The following BFSP1 variants were observed in gnomAD, a reference collection of about 807,000 sequenced individuals.
The protein encoded by BFSP1 is filensin.
A neutral mutation model predicts 43.9 loss-of-function variants in BFSP1; 38 were observed. The ratio of observed to expected loss-of-function variants is 0.87; its 90% CI spans 0.67 to 1.14. The LOEUF (loss-of-function observed/expected upper bound fraction) is 1.14, where lower values mean the gene tolerates loss of function less well. Among genes scored for constraint, BFSP1 ranks in the 50% most tolerant of loss-of-function variants. The probability of loss-of-function intolerance (pLI) is 0.00; values close to 1 mark genes in which losing one functional copy is unlikely to be tolerated. For synonymous variants in BFSP1, 352 were observed against 354.8 expected (o/e 0.99, Z 0.09); for missense variants, 850 against 875.1 (o/e 0.97, Z 0.36).
intron 4 of BFSP1, among the ~76,000 whole-genome samples, chr20:17,510,336 AG>A (rs1189079906): frequency 6.6e-6 from 1 of 152,220 alleles, no homozygotes; most frequent in Non-Finnish European, 1.5e-5. Flanking sequence ...ACAATTCAAA[AG>A]GTATGCTCGG....
chr20:17,508,223 G>A (rs1289804610), intron 5 of BFSP1, among the ~76,000 whole-genome samples: 1 of 137,812 alleles, frequency 7.3e-6, no homozygotes, highest in Non-Finnish European at 1.6e-5. Flanking sequence ...GTAGGGTAAT[G>A]AGAAAGAGAG....
chr20:17,559,083 T>G (rs1170980092), upstream of BFSP1: 3 of 188,922 alleles, frequency 1.6e-5, no homozygotes, highest in Admixed American at 1.7e-4. Context: ...GATGTGATGT[T>G]GTTTGCCTCA....
intron 1 of BFSP1, among the ~76,000 whole-genome samples, chr20:17,566,686 G>A (rs1367580371): frequency 2.6e-5 from 4 of 151,958 alleles, no homozygotes; most frequent in East Asian, 1.9e-4. Flanking sequence ...ACACAGTCTC[G>A]CTCTGTTGCC....
upstream of BFSP1, among the ~76,000 whole-genome samples, chr20:17,561,373 C>G (rs867113520): frequency 1.6e-4 from 24 of 152,210 alleles, no homozygotes; most frequent in African/African-American, 5.5e-4. Context: ...GTAGTGGGTG[C>G]CTGTAATCCC....
chr20:17,564,171 T>C (rs1236873585), intron 1 of BFSP1, among the ~76,000 whole-genome samples: 1 of 151,606 alleles, frequency 6.6e-6, no homozygotes, highest in Admixed American at 6.6e-5. Context: ...TGTCTTTACA[T>C]ACACAGACAC....
chr20:17,496,987 C>T lies in BFSP1; in HGVS notation c.993G>A (p.Leu331=), dbSNP rs1352109190. 6.5e-7 allele frequency: 1 copy of T among 1,543,772 alleles called. No homozygotes were observed. The highest frequency in any genetic ancestry group is 8.7e-7 in the Non-Finnish European group (1 of 1,145,002). ...GAGAGACTCCATGGCTCTGGGTGAA[C>T]AGGGGAATGGGAGTTTCAATGAAGG... The part of the protein sequence containing the change: ...TSAFIETPIP[L]FTQSHGVSLS... The change falls in exon 7 of 8, where the codon CTG becomes CTA. Residue 331 remains leucine, a synonymous_variant. Coordinates refer to ENST00000377873, the MANE Select transcript of BFSP1 (RefSeq NM_001195.5).
At position 17,494,651 on chromosome 20, in the gene BFSP1, G is replaced by A. The variant is rs200153001; in HGVS notation, c.1421C>T (p.Thr474Ile). The stretch of plus-strand genomic sequence containing the variant: ...AGGGTCCACGTAATTGGCATCCCCT[G>A]TGACCAGCACGTGCCGCTCTTTGGT... Reference protein sequence around the residue: ...LYTKERHVLVTGDANYVDPRF... With the variant: ...LYTKERHVLVIGDANYVDPRF... Residue 474 changes from threonine (T) to isoleucine (I), a missense_variant, in exon 8 of 8, where the codon ACA becomes ATA. Transcript: ENST00000377873. 1 of 1,614,168 alleles carries A rather than the reference G, an allele frequency of 6.2e-7. No homozygotes were observed. The highest frequency in any genetic ancestry group is 2.2e-5 in the East Asian group (1 of 44,888).
At chr20:17,546,880 C>A (rs529328084) in intron 1 of BFSP1, among the ~76,000 whole-genome samples, 1 of 149,672 alleles carries the variant, frequency 6.7e-6, no homozygotes, top group African/African-American at 2.5e-5. Context: ...AAAAATTAGC[C>A]GGGTGTGGTG....
chr20:17,555,288 CAAA>C (rs929219257), intron 1 of BFSP1, among the ~76,000 whole-genome samples: 1 of 44,100 alleles, frequency 2.3e-5, no homozygotes, highest in East Asian at 6.2e-4. Context: ...TCCTATCTCA[CAAA>C]AAAAAAAAAA....
At chr20:17,542,614 A>AT (rs2034737152) in intron 1 of BFSP1, among the ~76,000 whole-genome samples, 2 of 152,056 alleles carry the variant, frequency 1.3e-5, no homozygotes. Flanking sequence ...GAAAAAAAAA[A>AT]GTCAGTTGTT....
intron 2 of BFSP1, chr20:17,517,363 C>G (rs1232117314): frequency 2.1e-5 from 20 of 949,972 alleles, no homozygotes; most frequent in Non-Finnish European, 6.7e-6. Flanking sequence ...AACAAACAAA[C>G]AAACAAAATC....
chr20:17,545,543 G>A (rs2034785810), intron 1 of BFSP1, among the ~76,000 whole-genome samples: 1 of 152,240 alleles, frequency 6.6e-6, no homozygotes, highest in African/African-American at 2.4e-5. Flanking sequence ...AGAGAAGCAG[G>A]AGCCTAAGAC....
chr20:17,518,152 C>T lies in BFSP1; in HGVS notation c.439-3336G>A, dbSNP rs550671464. On this transcript the variant is annotated intron_variant, in intron 2 of 7. Coordinates refer to ENST00000377873, the MANE Select transcript of BFSP1 (RefSeq NM_001195.5). ...AACCACTCCCTTCAACAAATCTACA[C>T]GTGGTCTGAAGTTTTTGGGGGTTTT... Among the ~76,000 whole-genome samples, 130 of 152,326 alleles carry T rather than the reference C, an allele frequency of 8.5e-4. 1 individual carries two copies. In the Middle Eastern group the frequency reaches 0.014, roughly 16 times the overall value.
chr20:17,562,301 C>G (rs1568722577), upstream of BFSP1, among the ~76,000 whole-genome samples: 5 of 151,170 alleles, frequency 3.3e-5, no homozygotes, highest in East Asian at 2.0e-4. Flanking sequence ...CCAAGGCAGG[C>G]GGTCACAAGG....
chr20:17,552,698 A>G (rs563344346), intron 1 of BFSP1, among the ~76,000 whole-genome samples: 1 of 152,294 alleles, frequency 6.6e-6, no homozygotes, highest in African/African-American at 2.4e-5. Flanking sequence ...AACCAACAGA[A>G]TGTACTGATG....
chr20:17,497,607 CG>C (rs2033682538), intron 6 of BFSP1, among the ~76,000 whole-genome samples: 1 of 107,932 alleles, frequency 9.3e-6, no homozygotes, highest in Non-Finnish European at 1.9e-5. Context: ...TATATATATA[CG>C]TATATATACA....
chr20:17,507,567 C>T lies in BFSP1; in HGVS notation c.735+1322G>A, dbSNP rs2033968954. ...TCCCTATTCACATACACAGCACACACACATACACATGACACACACACACCA... is the reference window on the plus strand; with the variant it reads ...TCCCTATTCACATACACAGCACACATACATACACATGACACACACACACCA... On this transcript the variant is annotated intron_variant, in intron 5 of 7. Coordinates refer to ENST00000377873, the MANE Select transcript of BFSP1 (RefSeq NM_001195.5). This position sits in a 1 kb window ranked among gnomAD's most constrained non-coding sequence, Gnocchi z 4.4. Among the ~76,000 whole-genome samples the T allele has an allele frequency of 6.6e-6, 1 of 151,998 alleles. No homozygotes were observed. Among genetic ancestry groups the T allele is most frequent in the African/African-American group, 2.4e-5 (1 of 41,402 alleles).
chr20:17,569,091 C>G (rs1239636071), intron 1 of BFSP1: 1 of 152,240 alleles, frequency 6.6e-6, no homozygotes, highest in Non-Finnish European at 1.5e-5. Context: ...GCGGCCTTTC[C>G]CAGCCACACC....
chr20:17,522,809 T>C (rs1034736940), intron 2 of BFSP1, among the ~76,000 whole-genome samples: 15 of 152,216 alleles, frequency 9.9e-5, no homozygotes, highest in African/African-American at 3.6e-4. Flanking sequence ...TGGGGAGTAT[T>C]GTGATTCCAT....
Sources: allele counts gnomAD v4.1 joint callset (sites outside exome capture counted in the v4.1 genomes callset), GRCh38; gene constraint gnomAD v4.1.1; non-coding constraint Gnocchi (gnomAD v3.1); transcripts MANE v1.5; gene names NCBI Gene and HGNC (gene_info 2026-07-23, HGNC 2026-07-21).